Variants in CAMTA1 observed in about 807,000 individuals in gnomAD.
CAMTA1 encodes the protein calmodulin-binding transcription activator 1.
In CAMTA1, 27 loss-of-function variants were observed where a neutral mutation model predicts 170.9. The observed-to-expected ratio is 0.16, with a 90% CI of 0.12 to 0.22. The LOEUF (loss-of-function observed/expected upper bound fraction) is 0.22, where lower values mean the gene tolerates loss of function less well. CAMTA1 is among the 10% of genes least tolerant of loss of function. The probability of loss-of-function intolerance (pLI) is 1.00; values close to 1 mark genes in which losing one functional copy is unlikely to be tolerated. For synonymous variants in CAMTA1, 833 were observed against 891.5 expected (o/e 0.93, Z 1.17); for missense variants, 1,619 against 2,217.2 (o/e 0.73, Z 5.42).
chr1:7,739,496 G>T (rs907001384), intron 16 of CAMTA1, among the ~76,000 whole-genome samples: 2 of 152,172 alleles, frequency 1.3e-5, no homozygotes, highest in Non-Finnish European at 2.9e-5. Flanking sequence ...CCATTCTCAC[G>T]CTGCTGATAA....
chr1:7,184,379 A>G (rs1392554094), intron 4 of CAMTA1, among the ~76,000 whole-genome samples: 2 of 152,184 alleles, frequency 1.3e-5, no homozygotes, highest in African/African-American at 4.8e-5. Flanking sequence ...GTATAATTGG[A>G]TTGTTTGTAA....
chr1:7,162,414 A>G (rs1573564341), intron 4 of CAMTA1, among the ~76,000 whole-genome samples: 2 of 152,262 alleles, frequency 1.3e-5, no homozygotes, highest in East Asian at 3.9e-4. Flanking sequence ...ATCAGTTTTC[A>G]TCATCCCCAA....
chr1:7,655,673 A>G (rs1199794101), intron 7 of CAMTA1, among the ~76,000 whole-genome samples: 1 of 150,918 alleles, frequency 6.6e-6, no homozygotes, highest in Non-Finnish European at 1.5e-5. Context: ...ATGCACACAC[A>G]CTGATACACA....
chr1:7,225,070 C>T (rs1162228201), intron 4 of CAMTA1, among the ~76,000 whole-genome samples: 1 of 151,876 alleles, frequency 6.6e-6, no homozygotes, highest in Non-Finnish European at 1.5e-5. Flanking sequence ...GGGGCAAATT[C>T]TTACTGATCT....
At chr1:7,278,648 T>G (rs749176657) in intron 5 of CAMTA1, among the ~76,000 whole-genome samples, 1 of 151,988 alleles carries the variant, frequency 6.6e-6, no homozygotes, top group Non-Finnish European at 1.5e-5. Flanking sequence ...CAATCCTGAG[T>G]TTTTGACTTG....
intron 5 of CAMTA1, among the ~76,000 whole-genome samples, chr1:7,356,866 G>A (rs1315673913): frequency 6.6e-6 from 1 of 152,158 alleles, no homozygotes; most frequent in Non-Finnish European, 1.5e-5. Flanking sequence ...GGTGGGCATA[G>A]TACCTGCTTC....
intron 3 of CAMTA1, among the ~76,000 whole-genome samples, chr1:6,902,294 T>C (rs1677286008): frequency 6.6e-6 from 1 of 152,154 alleles, no homozygotes; most frequent in Non-Finnish European, 1.5e-5. Context: ...TACAGCAGCA[T>C]TACTCATGAT....
At chr1:7,638,470 G>T (rs995748891) in intron 6 of CAMTA1, among the ~76,000 whole-genome samples, 3 of 152,074 alleles carry the variant, frequency 2.0e-5, no homozygotes, top group African/African-American at 7.2e-5. Flanking sequence ...GTGAAACCCC[G>T]TCTCTACTAA....
intron 6 of CAMTA1, among the ~76,000 whole-genome samples, chr1:7,502,927 C>T (rs1427612918): frequency 2.6e-5 from 4 of 152,166 alleles, no homozygotes; most frequent in Non-Finnish European, 5.9e-5. Flanking sequence ...CCCCGCACCC[C>T]ATGGCTCACC....
rs548173476 is a variant in CAMTA1 at position 7,142,751 on chromosome 1, C to G, written c.302+51380C>G. 2.0e-5 allele frequency among the ~76,000 whole-genome samples: 3 copies of G among 151,842 alleles called. No homozygotes were observed. The South Asian group carries it at 6.3e-4, about 32-fold the overall frequency. On this transcript the variant is annotated intron_variant, in intron 4 of 22. Coordinates refer to ENST00000303635, the MANE Select transcript of CAMTA1 (RefSeq NM_015215.4). ...AATGGGAGCAGCCTGAGGCCCTCAC[C>G]AGAAGCAAATGCTGGAGCCATGCTT...
At chr1:7,282,645 C>A (rs537263945) in intron 5 of CAMTA1, among the ~76,000 whole-genome samples, 1 of 152,068 alleles carries the variant, frequency 6.6e-6, no homozygotes, top group Admixed American at 6.5e-5. Context: ...AAGGACTCCA[C>A]GTGAAGGCTG....
At chr1:7,679,874 T>C (rs1022271851) in intron 11 of CAMTA1, among the ~76,000 whole-genome samples, 1 of 152,218 alleles carries the variant, frequency 6.6e-6, no homozygotes, top group Non-Finnish European at 1.5e-5. Context: ...AAGGACGCTT[T>C]CCTTTGGTCT....
intron 11 of CAMTA1, among the ~76,000 whole-genome samples, chr1:7,703,169 A>C (rs2096460855): frequency 6.6e-6 from 1 of 152,244 alleles, no homozygotes; most frequent in South Asian, 2.1e-4. Flanking sequence ...TGAGAGCGTC[A>C]GGAAAAGCCA....
intron 4 of CAMTA1, among the ~76,000 whole-genome samples, chr1:7,151,365 C>T (rs968980498): frequency 1.3e-5 from 2 of 152,188 alleles, no homozygotes; most frequent in Admixed American, 6.5e-5. Context: ...TTTCCTTCCT[C>T]GGCCCCTCTT....
chr1:7,526,725 G>A (rs1052748881), intron 6 of CAMTA1, among the ~76,000 whole-genome samples: 7 of 152,332 alleles, frequency 4.6e-5, no homozygotes, highest in African/African-American at 1.4e-4. Context: ...CGTTCTAGCA[G>A]TGAGCCTTCT....
chr1:6,918,849 A>G lies in CAMTA1; in HGVS notation c.234+93639A>G, dbSNP rs1571706184. On this transcript the variant is annotated intron_variant, in intron 3 of 22. Coordinates refer to ENST00000303635, the MANE Select transcript of CAMTA1 (RefSeq NM_015215.4). This position sits in a 1 kb window ranked among gnomAD's most constrained non-coding sequence, Gnocchi z 4.0. Reference sequence around the variant, plus strand: ...TGCCACTTGATGCAGAGAAGAAAGGAGGGTCTGAATCGGGCCCAGCAGAAC... The same window carrying G: ...TGCCACTTGATGCAGAGAAGAAAGGGGGGTCTGAATCGGGCCCAGCAGAAC... Among the ~76,000 whole-genome samples the G allele has an allele frequency of 6.6e-6, 1 of 152,142 alleles. No individual in the cohort carries two copies. The highest frequency in any genetic ancestry group is 2.1e-4 in the South Asian group (1 of 4,824).
intron 4 of CAMTA1, among the ~76,000 whole-genome samples, chr1:7,110,455 C>T (rs1021958056): frequency 3.3e-5 from 5 of 152,154 alleles, no homozygotes; most frequent in Non-Finnish European, 5.9e-5. Context: ...CTGAATTGCC[C>T]GAGCAGGCCG....
intron 11 of CAMTA1, among the ~76,000 whole-genome samples, chr1:7,728,963 C>G (rs2096711730): frequency 6.6e-6 from 1 of 152,170 alleles, no homozygotes; most frequent in African/African-American, 2.4e-5. Context: ...GAGTGAGACA[C>G]TTAGTGGCAG....
rs567269672 is a variant in CAMTA1 at position 7,547,730 on chromosome 1, C to T, written c.510+79829C>T. ...TTTTTTTTTTTAGCTCATCAGCTACCGTTAGTGTTAGTATATTTATGTGTG... is the reference window on the plus strand; with the variant it reads ...TTTTTTTTTTTAGCTCATCAGCTACTGTTAGTGTTAGTATATTTATGTGTG... On this transcript the variant is annotated intron_variant, in intron 6 of 22. Coordinates refer to ENST00000303635, the MANE Select transcript of CAMTA1 (RefSeq NM_015215.4). The surrounding 1 kb of genome is among the most constrained non-coding windows in gnomAD (Gnocchi z 5.7). 9.9e-5 allele frequency among the ~76,000 whole-genome samples: 15 copies of T among 151,676 alleles called. 1 individual carries two copies. In the South Asian group the frequency reaches 1.7e-3, roughly 17 times the overall value.
Sources: allele counts gnomAD v4.1 joint callset (sites outside exome capture counted in the v4.1 genomes callset), GRCh38; gene constraint gnomAD v4.1.1; non-coding constraint Gnocchi (gnomAD v3.1); transcripts MANE v1.5; gene names NCBI Gene and HGNC (gene_info 2026-07-23, HGNC 2026-07-21).